Variants in TCF7L2 observed in about 807,000 individuals in gnomAD.
TCF7L2 encodes transcription factor 7-like 2.
A neutral mutation model predicts 77.9 loss-of-function variants in TCF7L2; 23 were observed. The ratio of observed to expected loss-of-function variants is 0.30; its 90% CI spans 0.21 to 0.42. The LOEUF (loss-of-function observed/expected upper bound fraction) is 0.42, where lower values mean the gene tolerates loss of function less well. TCF7L2 is among the 10% of genes least tolerant of loss of function. TCF7L2 has a pLI of 1.00. For synonymous variants in TCF7L2, 413 were observed against 340.2 expected (o/e 1.21, Z -2.36); for missense variants, 654 against 793.1 (o/e 0.82, Z 2.11).
intron 5 of TCF7L2, among the ~76,000 whole-genome samples, chr10:113,127,922 A>G (rs4918799): frequency 0.25 from 36,541 of 146,124 alleles, 5,118 homozygotes; most frequent in Non-Finnish European, 0.32. Context: ...CTAGAAAATA[A>G]ATTCTTAGTC....
intron 11 of TCF7L2, among the ~76,000 whole-genome samples, chr10:113,155,484 A>G (rs1368495296): frequency 1.3e-5 from 2 of 152,092 alleles, no homozygotes; most frequent in East Asian, 3.8e-4. Flanking sequence ...TCTTCTTTTT[A>G]TTAAAACACA....
intron 5 of TCF7L2, among the ~76,000 whole-genome samples, chr10:113,135,192 G>T (rs1302825393): frequency 1.3e-5 from 2 of 152,234 alleles, no homozygotes; most frequent in Non-Finnish European, 2.9e-5. Context: ...CTGGATGGGT[G>T]TGTGGGCGCT....
rs146149325 is a variant in TCF7L2, at chr10:113,123,005, G to A, written c.553-18179G>A. On this transcript the variant is annotated intron_variant, in intron 5 of 13. Coordinates refer to ENST00000627217, the MANE Select transcript of TCF7L2 (RefSeq NM_001146274.2). ...GTTGGTAAGACATCAGACATGACGA[G>A]AGTGAAGGGCAGCTTAGGGAGAACT... 6.8e-4 allele frequency among the ~76,000 whole-genome samples: 103 copies of A among 152,308 alleles called. 1 individual carries two copies. Among genetic ancestry groups the A allele is most frequent in the African/African-American group, 2.5e-3 (103 of 41,556 alleles).
At position 112,966,187 on chromosome 10, in the gene TCF7L2, TA is replaced by T. The variant is rs1564721935; in HGVS notation, c.450+1564del. On this transcript the variant is annotated intron_variant, in intron 4 of 13. Coordinates refer to ENST00000627217, the MANE Select transcript of TCF7L2 (RefSeq NM_001146274.2). The stretch of plus-strand genomic sequence containing the variant: ...TGAGACTCTGTCTAAAATATATTTA[TA>T]TATATATATATATATATATATATTT... 8.7e-3 allele frequency among the ~76,000 whole-genome samples: 179 copies of T among 20,478 alleles called. 3 individuals are homozygous for T. The highest frequency in any genetic ancestry group is 0.062 in the Middle Eastern group (1 of 16). The allele number at this position is 20,478 out of a possible 152,430, so 13.4% of individuals were successfully genotyped here.
chr10:113,120,336 C>CT (rs1355219779), intron 5 of TCF7L2, among the ~76,000 whole-genome samples: 2 of 152,142 alleles, frequency 1.3e-5, no homozygotes, highest in Non-Finnish European at 2.9e-5. Context: ...GTGTTAGTGG[C>CT]TTTTATGGAG....
intron 12 of TCF7L2, 54 bp from the exon 14 acceptor site, chr10:113,159,866 T>C (rs1424088736): frequency 1.3e-5 from 7 of 530,268 alleles, no homozygotes; most frequent in East Asian, 5.9e-5. Flanking sequence ...TCTCTCTCTC[T>C]CCCTTTCTCC....
At chr10:113,059,911 G>A (rs953709640) in intron 5 of TCF7L2, among the ~76,000 whole-genome samples, 2 of 152,080 alleles carry the variant, frequency 1.3e-5, no homozygotes, top group Non-Finnish European at 2.9e-5. Flanking sequence ...TTTTTGGGGT[G>A]TGTGTGTGTG....
At chr10:112,955,902 A>G (rs2033429849) in intron 3 of TCF7L2, among the ~76,000 whole-genome samples, 2 of 152,102 alleles carry the variant, frequency 1.3e-5, no homozygotes, top group South Asian at 4.1e-4. Flanking sequence ...GTGCTTTTAA[A>G]GATTACAGTA....
At chr10:113,121,420 G>A (rs979736738) in intron 5 of TCF7L2, among the ~76,000 whole-genome samples, 3 of 152,216 alleles carry the variant, frequency 2.0e-5, no homozygotes, top group African/African-American at 7.2e-5. Context: ...CTCTTTGAGC[G>A]CCAGCACTGT....
At chr10:112,975,655 T>C (rs1369529528) in intron 4 of TCF7L2, among the ~76,000 whole-genome samples, 1 of 152,128 alleles carries the variant, frequency 6.6e-6, no homozygotes, top group Non-Finnish European at 1.5e-5. Context: ...CTAATTTTTG[T>C]ATTTTCAGTA....
At chr10:113,078,646 T>A (rs759261896) in intron 5 of TCF7L2, among the ~76,000 whole-genome samples, 2 of 152,150 alleles carry the variant, frequency 1.3e-5, no homozygotes, top group Non-Finnish European at 2.9e-5. Context: ...GTGCTGGGAT[T>A]ACAGGCATGA....
At chr10:112,973,070 G>A (rs2038628832) in intron 4 of TCF7L2, among the ~76,000 whole-genome samples, 1 of 152,102 alleles carries the variant, frequency 6.6e-6, no homozygotes, top group Non-Finnish European at 1.5e-5. Context: ...CGTGGGACCT[G>A]GTAAAAAGTA....
chr10:113,162,576 A>G (rs926684351), intron 13 of TCF7L2, among the ~76,000 whole-genome samples: 5 of 152,072 alleles, frequency 3.3e-5, no homozygotes, highest in Non-Finnish European at 5.9e-5. Context: ...TCTAAAATGC[A>G]TCTTGGAGGG....
chr10:113,156,272 G>A (rs1361414700), intron 11 of TCF7L2, among the ~76,000 whole-genome samples: 1 of 152,128 alleles, frequency 6.6e-6, no homozygotes, highest in Non-Finnish European at 1.5e-5. Flanking sequence ...GTGCCACCAC[G>A]CCCAGCTAAT....
chr10:113,023,842 G>C (rs973125673), intron 4 of TCF7L2, among the ~76,000 whole-genome samples: 13 of 151,938 alleles, frequency 8.6e-5, no homozygotes, highest in African/African-American at 2.9e-4. Context: ...CTCATTTTTT[G>C]TATTTTTAGT....
At chr10:112,966,850 C>T (rs1234593828) in intron 4 of TCF7L2, among the ~76,000 whole-genome samples, 1 of 152,218 alleles carries the variant, frequency 6.6e-6, no homozygotes, top group Non-Finnish European at 1.5e-5. Flanking sequence ...TACTATTCCT[C>T]CATGAACAGG....
At chr10:113,065,804 G>T (rs150348277) in intron 5 of TCF7L2, among the ~76,000 whole-genome samples, 4 of 152,282 alleles carry the variant, frequency 2.6e-5, no homozygotes, top group Admixed American at 2.6e-4. Context: ...ATGTTGTGAG[G>T]CTCAGGTGGT....
intron 4 of TCF7L2, among the ~76,000 whole-genome samples, chr10:113,023,776 C>T (rs1369407617): frequency 6.6e-6 from 1 of 152,070 alleles, no homozygotes; most frequent in Non-Finnish European, 1.5e-5. Flanking sequence ...TCATGCCATT[C>T]TCCTGAATCA....
intron 4 of TCF7L2, among the ~76,000 whole-genome samples, chr10:113,035,218 T>G (rs2050966934): frequency 6.6e-6 from 1 of 152,156 alleles, no homozygotes; most frequent in Non-Finnish European, 1.5e-5. Flanking sequence ...CCTCACAACT[T>G]GAGTTAATCC....
Sources: gnomAD v4.1 joint callset for allele counts (sites outside exome capture counted in the v4.1 genomes callset) on GRCh38, gnomAD v4.1.1 for gene constraint, MANE v1.5 for transcripts, NCBI Gene and HGNC (gene_info 2026-07-23, HGNC 2026-07-21) for gene names.